The following KCNIP4 variants were observed in gnomAD, a reference collection of about 807,000 sequenced individuals.
KCNIP4 encodes potassium voltage-gated channel interacting protein 4.
KCNIP4 carries 12 observed loss-of-function variants against 34.0 expected under a neutral mutation model. That is an observed-to-expected ratio of 0.35 (90% CI 0.23 to 0.57). The LOEUF (loss-of-function observed/expected upper bound fraction) is 0.57. Ranked by LOEUF, KCNIP4 falls within the 20% of genes least tolerant of loss-of-function variation. The probability of loss-of-function intolerance (pLI) is 0.83; values close to 1 mark genes in which losing one functional copy is unlikely to be tolerated. For missense variants in KCNIP4, 238 were observed against 311.7 expected, an observed-to-expected ratio of 0.76 and a Z score of 1.78; for synonymous variants, 124 against 102.2, an observed-to-expected ratio of 1.21 and a Z score of -1.29.
At chr4:21,059,052 G>A (rs115474807) in intron 1 of KCNIP4, among the ~76,000 whole-genome samples, 11,876 of 152,154 alleles carry the variant, frequency 0.078, 561 homozygotes, top group Admixed American at 0.13. Context: ...CATGTAAGAC[G>A]TCCCTTTGCT....
chr4:21,270,490 G>T (rs1762077390), intron 1 of KCNIP4, among the ~76,000 whole-genome samples: 1 of 152,104 alleles, frequency 6.6e-6, no homozygotes, highest in Admixed American at 6.5e-5. Flanking sequence ...AATACTATTA[G>T]ATTTAATTCA....
At chr4:21,454,186 G>A (rs572301308) in intron 1 of KCNIP4, among the ~76,000 whole-genome samples, 9 of 152,114 alleles carry the variant, frequency 5.9e-5, no homozygotes, top group East Asian at 1.9e-4. Flanking sequence ...AATTGAAGAC[G>A]TGTCCCGAGA....
intron 1 of KCNIP4, among the ~76,000 whole-genome samples, chr4:21,796,781 A>G (rs1332688107): frequency 6.6e-6 from 1 of 152,212 alleles, no homozygotes; most frequent in African/African-American, 2.4e-5. Flanking sequence ...AAACTGATGC[A>G]TTTATCAATG....
chr4:21,791,432 T>C (rs1720275891), intron 1 of KCNIP4, among the ~76,000 whole-genome samples: 1 of 152,040 alleles, frequency 6.6e-6, no homozygotes, highest in Non-Finnish European at 1.5e-5. Flanking sequence ...TTTGAGTAAC[T>C]GGAAAATAAA....
chr4:21,863,072 C>A (rs1448792213), intron 1 of KCNIP4, among the ~76,000 whole-genome samples: 1 of 151,798 alleles, frequency 6.6e-6, no homozygotes, highest in South Asian at 2.1e-4. Flanking sequence ...TCATCGCCAA[C>A]AATAAGGGCA....
At position 20,800,042 on chromosome 4, in the gene KCNIP4, C is replaced by T. The variant is rs183785635; in HGVS notation, c.289-41152G>A. Among the ~76,000 whole-genome samples, 257 of 152,256 alleles carry T rather than the reference C, an allele frequency of 1.7e-3. 2 individuals are homozygous for T. The highest frequency in any genetic ancestry group is 5.1e-3 in the African/African-American group (211 of 41,546). On this transcript the variant is annotated intron_variant, in intron 3 of 8. Coordinates refer to ENST00000382152, the MANE Select transcript of KCNIP4 (RefSeq NM_025221.6). ...CAGGTGTTACAGTAATTTCACAGGACGCCCCACTGTGGGGGAAGATAAGAA... is the reference window on the plus strand; with the variant it reads ...CAGGTGTTACAGTAATTTCACAGGATGCCCCACTGTGGGGGAAGATAAGAA...
intron 1 of KCNIP4, among the ~76,000 whole-genome samples, chr4:20,971,139 TAG>T (rs1191220791): frequency 6.6e-6 from 1 of 152,130 alleles, no homozygotes; most frequent in Non-Finnish European, 1.5e-5. Context: ...TGAAACAGTT[TAG>T]AGTGTTTGGA....
At chr4:21,628,513 C>T (rs1419421425) in intron 1 of KCNIP4, among the ~76,000 whole-genome samples, 2 of 152,166 alleles carry the variant, frequency 1.3e-5, no homozygotes, top group Admixed American at 6.5e-5. Context: ...AGTGGCAGTA[C>T]AGTAAAGTGG....
intron 2 of KCNIP4, among the ~76,000 whole-genome samples, chr4:20,872,847 A>G (rs7684477): frequency 0.18 from 27,472 of 152,110 alleles, 2,670 homozygotes; most frequent in Middle Eastern, 0.2. Context: ...CAAAAGATGC[A>G]CTAATCAAAA....
intron 1 of KCNIP4, among the ~76,000 whole-genome samples, chr4:20,945,416 G>A (rs1044857998): frequency 1.3e-5 from 2 of 152,088 alleles, no homozygotes; most frequent in African/African-American, 4.8e-5. Flanking sequence ...AATCTTCTGG[G>A]CCTTTGTTTC....
chr4:21,843,160 T>G (rs1470007055), intron 1 of KCNIP4, among the ~76,000 whole-genome samples: 1 of 152,072 alleles, frequency 6.6e-6, no homozygotes, highest in African/African-American at 2.4e-5. Flanking sequence ...AAAACTAAGT[T>G]AACTTGTTAA....
chr4:21,760,296 T>C (rs955317788), intron 1 of KCNIP4, among the ~76,000 whole-genome samples: 9 of 152,044 alleles, frequency 5.9e-5, no homozygotes, highest in African/African-American at 1.9e-4. Flanking sequence ...CTGATGCTAA[T>C]AATAAAGCAT....
intron 1 of KCNIP4, among the ~76,000 whole-genome samples, chr4:21,044,510 C>T (rs1742265650): frequency 1.3e-5 from 2 of 152,120 alleles, no homozygotes; most frequent in Admixed American, 1.3e-4. Flanking sequence ...CAGGGTTTCA[C>T]CATGTTGGCC....
chr4:20,958,241 C>T (rs1175119102), intron 1 of KCNIP4, among the ~76,000 whole-genome samples: 3 of 152,160 alleles, frequency 2.0e-5, no homozygotes, highest in African/African-American at 7.2e-5. Context: ...GGCAAAGTTC[C>T]TAATGGCCAG....
chr4:20,731,992 C>CT lies in KCNIP4; in HGVS notation c.705+13dup. 6.2e-6 allele frequency: 10 copies of CT among 1,612,934 alleles called. No homozygotes were observed. The highest frequency in any genetic ancestry group is 8.5e-6 in the Non-Finnish European group (10 of 1,179,604). On this transcript the variant is annotated intron_variant, in intron 8 of 8. Coordinates refer to ENST00000382152, the MANE Select transcript of KCNIP4 (RefSeq NM_025221.6). ...GATAGCTGAATTGATAGTTATTACACTTTCATTACTTACTTTTTGGCAGCT... is the reference window on the plus strand; with the variant it reads ...GATAGCTGAATTGATAGTTATTACACTTTTCATTACTTACTTTTTGGCAGCT...
intron 3 of KCNIP4, among the ~76,000 whole-genome samples, chr4:20,827,251 A>T: frequency 6.6e-6 from 1 of 152,126 alleles, no homozygotes; most frequent in Non-Finnish European, 1.5e-5. Flanking sequence ...ATGACAAAAT[A>T]CCACGGACTG....
intron 1 of KCNIP4, among the ~76,000 whole-genome samples, chr4:21,643,870 T>TGATAGATAGATA (rs5856654): frequency 0.023 from 2,440 of 107,758 alleles, 31 homozygotes; most frequent in East Asian, 0.058. Flanking sequence ...ATGATGATGA[T>TGATAGATAGATA]GATAGATAGA....
chr4:21,116,299 T>C (rs1199767948), intron 1 of KCNIP4, among the ~76,000 whole-genome samples: 2 of 152,246 alleles, frequency 1.3e-5, no homozygotes, highest in South Asian at 2.1e-4. Flanking sequence ...AAAATTCCAT[T>C]TGGCAAAATT....
intron 1 of KCNIP4, among the ~76,000 whole-genome samples, chr4:21,283,017 C>G (rs911932579): frequency 6.6e-6 from 1 of 152,114 alleles, no homozygotes; most frequent in African/African-American, 2.4e-5. Flanking sequence ...CTGAATTACT[C>G]ACATGTGCTA....
Sources: allele counts gnomAD v4.1 joint callset (sites outside exome capture counted in the v4.1 genomes callset), GRCh38; gene constraint gnomAD v4.1.1; transcripts MANE v1.5; gene names NCBI Gene and HGNC (gene_info 2026-07-23, HGNC 2026-07-21).